Variants in PON2 observed in about 807,000 individuals in gnomAD.
PON2 encodes the protein serum paraoxonase/arylesterase 2.
In PON2, 27 loss-of-function variants were observed where a neutral mutation model predicts 36.6. The observed-to-expected ratio is 0.74, with a 90% CI of 0.54 to 1.02. The LOEUF is 1.02. Ranked by LOEUF, PON2 falls within the 50% of genes least tolerant of loss-of-function variation. The probability of loss-of-function intolerance (pLI) is 0.00; values close to 1 mark genes in which losing one functional copy is unlikely to be tolerated. For missense variants in PON2, 363 were observed against 421.1 expected (o/e 0.86, Z 1.21); for synonymous variants, 149 against 156.3 (o/e 0.95, Z 0.35).
rs949437350 is a variant in PON2 at position 95,434,957 on chromosome 7, G to A, written c.-6C>T. The A allele has an allele frequency of 3.9e-6, 6 of 1,524,532 alleles. No homozygotes were observed. In the East Asian group the frequency reaches 1.5e-4, roughly 39 times the overall value. 94.4% of individuals were successfully genotyped at this position (1,524,532 alleles called of 1,614,324 possible). On this transcript the variant is annotated 5_prime_UTR_variant, in exon 1 of 9. Coordinates refer to ENST00000222572, the MANE Select transcript of PON2 (RefSeq NM_000305.3). Reference sequence around the variant, plus strand: ...ACAGCCACCAGCCGCCCCATGGCGCGGGAGCCGGGCGCGCTGCCTCGCTCC... The same window carrying A: ...ACAGCCACCAGCCGCCCCATGGCGCAGGAGCCGGGCGCGCTGCCTCGCTCC...
intron 8 of PON2, 36 bp downstream of exon 8, chr7:95,406,083 G>C: frequency 6.3e-7 from 1 of 1,595,006 alleles, no homozygotes. Context: ...AAAAGGACTT[G>C]AATAATTAAG....
rs35269697 is a variant in PON2, at chr7:95,423,321, C to CAA, written c.145+1192_145+1193dup. Among the ~76,000 whole-genome samples, 121 of 71,032 alleles carry CAA rather than the reference C, an allele frequency of 1.7e-3. 1 individual carries two copies. Among genetic ancestry groups the CAA allele is most frequent in the African/African-American group, 2.9e-3 (66 of 22,396 alleles). The allele number at this position is 71,032 out of a possible 152,430, so 46.6% of individuals were successfully genotyped here. On this transcript the variant is annotated intron_variant, in intron 2 of 8. Transcript: ENST00000222572. Reference sequence around the variant, plus strand: ...TGGGTGACAAAGTGAGGCCACCTCTCAAAAAAAAAAAAAAAAAAAATTAAA... The same window carrying CAA: ...TGGGTGACAAAGTGAGGCCACCTCTCAAAAAAAAAAAAAAAAAAAAAATTAAA...
intron 2 of PON2, 118 bp from the exon 3 acceptor site, chr7:95,416,415 T>A (rs1789063542): frequency 1.7e-6 from 2 of 1,193,364 alleles, no homozygotes; most frequent in Non-Finnish European, 2.4e-6. Flanking sequence ...ATGGTTCTGA[T>A]GTTTTTTCCA....
chr7:95,434,333 C>T (rs1247251220), intron 1 of PON2: 3 of 152,620 alleles, frequency 2.0e-5, no homozygotes, highest in African/African-American at 7.2e-5. Context: ...TTCAGGCTTC[C>T]CTGGTGAATA....
At position 95,405,396 on chromosome 7, in the gene PON2, G is replaced by A; in HGVS notation, c.999C>T (p.Ala333=). 1.2e-6 allele frequency: 2 copies of A among 1,613,888 alleles called. No individual in the cohort carries two copies. Among genetic ancestry groups the A allele is most frequent in the Non-Finnish European group, 8.5e-7 (1 of 1,179,838 alleles). ...NGSVLQGSSV[A]SVYDGKLLIG... ...TGAGCAGCTTCCCATCATACACTGA[G>A]GCTACAGAACTTCCTTGGAGAACAG... The change falls in exon 9 of 9, where the codon GCC becomes GCT. Residue 333 remains alanine, a synonymous_variant. Coordinates refer to ENST00000222572, the MANE Select transcript of PON2 (RefSeq NM_000305.3).
At position 95,424,695 on chromosome 7, in the gene PON2, T is replaced by G. The variant is rs12704795; in HGVS notation, c.75-110A>C. 0.36 allele frequency: 277,907 copies of G among 780,832 alleles called. 54,955 individuals carry two copies. Among genetic ancestry groups the G allele is most frequent in the Non-Finnish European group, 0.42 (197,238 of 468,302 alleles). The allele number at this position is 780,832 out of a possible 1,614,324, so 48.4% of individuals were successfully genotyped here. On this transcript the variant is annotated intron_variant, in intron 1 of 8. Coordinates refer to ENST00000222572, the MANE Select transcript of PON2 (RefSeq NM_000305.3). The stretch of plus-strand genomic sequence containing the variant: ...TTACAGCAATACATAAAACACAGTT[T>G]AAGTCTAAAGCAGATGAAAGAGAAA...
rs1423829695 is a variant in PON2 at position 95,433,534 on chromosome 7, A to AT, written c.74+1343dup. On this transcript the variant is annotated intron_variant, in intron 1 of 8. Coordinates refer to ENST00000222572, the MANE Select transcript of PON2 (RefSeq NM_000305.3). ...ATCTCTATAAAACACAACTAGTTAT[A>AT]TTAAGTTCTTGTTGAAAAGCAAAAC... Among the ~76,000 whole-genome samples, 3 of 152,214 alleles carry AT rather than the reference A, an allele frequency of 2.0e-5. No homozygotes were observed. In the East Asian group the frequency reaches 5.8e-4, roughly 29 times the overall value.
chr7:95,415,502 G>A (rs1034808), intron 3 of PON2, among the ~76,000 whole-genome samples: 2,057 of 152,134 alleles, frequency 0.014, 51 homozygotes, highest in African/African-American at 0.047. Flanking sequence ...GGGCAAGGTT[G>A]GTATAATATT....
chr7:95,414,996 A>G (rs1201088400), intron 3 of PON2, among the ~76,000 whole-genome samples: 1 of 152,024 alleles, frequency 6.6e-6, no homozygotes, highest in East Asian at 1.9e-4. Context: ...TTCTCATTCT[A>G]CTCCAACCTG....
In PON2 at chr7:95,405,224, A is replaced by T. The variant is rs1809646294; in HGVS notation, c.*106T>A. The T allele has an allele frequency of 8.2e-7, 1 of 1,220,442 alleles. No homozygotes were observed. Among genetic ancestry groups the T allele is most frequent in the Non-Finnish European group, 1.2e-6 (1 of 847,936 alleles). 75.6% of individuals were successfully genotyped at this position (1,220,442 alleles called of 1,614,324 possible). On this transcript the variant is annotated 3_prime_UTR_variant, in exon 9 of 9. Coordinates refer to ENST00000222572, the MANE Select transcript of PON2 (RefSeq NM_000305.3). ...CTTACTGGAATAAAATTAACTACAC[A>T]TGCCATACATTTCTGGGTCAATGTT...
Position 95,410,089 on chromosome 7 carries a change from G to C in PON2, c.507C>G (p.Ile169Met), listed in dbSNP as rs1788884793. The C allele has an allele frequency of 6.2e-7, 1 of 1,613,346 alleles. No homozygotes were observed. ...AGAAATGTGCCGGTCCAACAGCTGT[G>C]ATGTCATTCACACTGAAAAAGAAAA... The part of the protein sequence containing the change: ...KHELLPSVND[I>M]TAVGPAHFYA... The change falls in exon 6 of 9, where the codon ATC becomes ATG. Residue 169 changes from isoleucine to methionine, a missense_variant. Coordinates refer to ENST00000222572, the MANE Select transcript of PON2 (RefSeq NM_000305.3).
At chr7:95,414,954 A>C (rs946186402) in intron 3 of PON2, among the ~76,000 whole-genome samples, 6 of 152,216 alleles carry the variant, frequency 3.9e-5, no homozygotes, top group African/African-American at 1.4e-4. Context: ...TCTTTCACAT[A>C]AAAACCATCA....
chr7:95,410,924 G>A (rs1432525607), intron 5 of PON2, among the ~76,000 whole-genome samples: 3 of 151,972 alleles, frequency 2.0e-5, no homozygotes, highest in Admixed American at 2.0e-4. Context: ...AGGAATGATT[G>A]GAAGTTACAT....
intron 3 of PON2, among the ~76,000 whole-genome samples, chr7:95,413,342 C>A (rs1356496846): frequency 6.6e-6 from 1 of 152,062 alleles, no homozygotes; most frequent in African/African-American, 2.4e-5. Context: ...TCTCACATTT[C>A]TTTTTCTCGT....
At chr7:95,424,461 A>C (rs1035624778) in intron 2 of PON2, 54 bp downstream of exon 2, 4 of 1,421,374 alleles carry the variant, frequency 2.8e-6, no homozygotes, top group Non-Finnish European at 3.0e-6. Context: ...TGAGTGTTTT[A>C]ATGTTAATGG....
intron 2 of PON2, 181 bp downstream of exon 2, chr7:95,424,334 A>G: frequency 1.6e-6 from 1 of 614,970 alleles, no homozygotes; most frequent in Non-Finnish European, 2.9e-6. Flanking sequence ...CAGTGAGGGT[A>G]GGAAAGAAGA....
intron 3 of PON2, chr7:95,415,221 C>T (rs1238068346): frequency 2.0e-5 from 3 of 152,202 alleles, no homozygotes; most frequent in African/African-American, 7.2e-5. Context: ...ACTCCTATGT[C>T]TGCCCAAGCC....
chr7:95,431,114 A>T (rs998711000), intron 1 of PON2, among the ~76,000 whole-genome samples: 4 of 152,070 alleles, frequency 2.6e-5, no homozygotes, highest in Non-Finnish European at 5.9e-5. Flanking sequence ...GCCTGGGAAT[A>T]TTTGTATACT....
chr7:95,409,852 C>A lies in PON2; in HGVS notation c.695+49G>T, dbSNP rs374737571. On this transcript the variant is annotated intron_variant, in intron 6 of 8. Coordinates refer to ENST00000222572, the MANE Select transcript of PON2 (RefSeq NM_000305.3). ...AAAGAAAGCAAAGTAAAGAATTTGG[C>A]CAGCACCACAACTGAAGAAAAATGA... The A allele has an allele frequency of 7.7e-6, 12 of 1,560,598 alleles. No individual in the cohort carries two copies. The African/African-American group carries it at 1.6e-4, about 21-fold the overall frequency.
Sources: allele counts gnomAD v4.1 joint callset (sites outside exome capture counted in the v4.1 genomes callset), GRCh38; gene constraint gnomAD v4.1.1; transcripts MANE v1.5; gene names NCBI Gene and HGNC (gene_info 2026-07-23, HGNC 2026-07-21).